The following OLA1 variants were observed in gnomAD, a reference collection of about 807,000 sequenced individuals.
The protein encoded by OLA1 is Obg like ATPase 1.
OLA1 carries 14 observed loss-of-function variants against 48.4 expected under a neutral mutation model. The observed-to-expected ratio is 0.29, with a 90% CI of 0.19 to 0.45. The LOEUF (loss-of-function observed/expected upper bound fraction) is 0.45, where lower values mean the gene tolerates loss of function less well. Ranked by LOEUF, OLA1 falls within the 20% of genes least tolerant of loss-of-function variation. OLA1 has a pLI of 1.00. For missense variants in OLA1, 325 were observed against 467.1 expected, an observed-to-expected ratio of 0.70 and a Z score of 2.80; for synonymous variants, 127 against 150.4, an observed-to-expected ratio of 0.84 and a Z score of 1.14.
rs376640155 is a variant in OLA1, at chr2:174,079,078, C to A, written c.979G>T (p.Ala327Ser). The A allele has an allele frequency of 1.9e-5, 31 of 1,591,204 alleles. No individual in the cohort carries two copies. In the African/African-American group the frequency reaches 3.4e-4, roughly 17 times the overall value. The stretch of plus-strand genomic sequence containing the variant: ...TGAATCTTTCCTGCAGCCTGAGGAG[C>A]CTTAGTCCCTTTCTTTGAAAAGAAA... The part of the protein sequence containing the change: ...RAWTIRKGTK[A>S]PQAAGKIHTD... The change falls in exon 10 of 11, where the codon GCT becomes TCT. Residue 327 changes from alanine (A) to serine (S), a missense_variant. Coordinates refer to ENST00000284719, the MANE Select transcript of OLA1 (RefSeq NM_013341.5).
At chr2:174,164,985 C>T (rs575916709) in intron 4 of OLA1, among the ~76,000 whole-genome samples, 35 of 152,178 alleles carry the variant, frequency 2.3e-4, no homozygotes, top group Admixed American at 3.9e-4. Flanking sequence ...GAGGAATCAG[C>T]CAAAAGATGA....
chr2:174,174,015 T>TAG (rs1687364655), intron 4 of OLA1, among the ~76,000 whole-genome samples: 2 of 97,362 alleles, frequency 2.1e-5, no homozygotes, highest in African/African-American at 8.6e-5. Flanking sequence ...TTCCCATACA[T>TAG]ACACACACAC....
chr2:174,155,291 A>C (rs982732764), intron 4 of OLA1, among the ~76,000 whole-genome samples: 1 of 152,224 alleles, frequency 6.6e-6, no homozygotes, highest in African/African-American at 2.4e-5. Flanking sequence ...CTGAAGAAGG[A>C]ATCAATGAAT....
At chr2:174,246,166 G>A (rs1274227749) in intron 2 of OLA1, among the ~76,000 whole-genome samples, 1 of 151,712 alleles carries the variant, frequency 6.6e-6, no homozygotes, top group Non-Finnish European at 1.5e-5. Context: ...TGGGCGTGGT[G>A]GTGCGCGCCT....
chr2:174,128,662 G>A (rs1218945114), intron 5 of OLA1, among the ~76,000 whole-genome samples: 10 of 151,416 alleles, frequency 6.6e-5, no homozygotes, highest in South Asian at 2.1e-4. Flanking sequence ...ACTTGAACCC[G>A]GGAAGTGGAG....
In OLA1 at chr2:174,141,962, T is replaced by A. The variant is rs374661597; in HGVS notation, c.412A>T (p.Ser138Cys). ...EDDDITHVEG[S>C]VDPIRDIEII... ...TCTATATCTCGAATAGGATCTACAC[T>A]TCCTTCAACGTGCGTGATATCATCA... Residue 138 changes from serine to cysteine, a missense_variant, in exon 5 of 11, where the codon AGT (serine) becomes TGT (cysteine). Transcript: ENST00000284719. 26 of 1,613,168 alleles carry A rather than the reference T, an allele frequency of 1.6e-5. No individual in the cohort carries two copies. The highest frequency in any genetic ancestry group is 2.1e-5 in the Non-Finnish European group (25 of 1,179,762).
intron 7 of OLA1, among the ~76,000 whole-genome samples, chr2:174,088,857 C>T (rs1685040430): frequency 6.7e-6 from 1 of 148,976 alleles, no homozygotes; most frequent in African/African-American, 2.5e-5. Flanking sequence ...GCCTGGATGA[C>T]AGAGTGAAAT....
intron 7 of OLA1, among the ~76,000 whole-genome samples, chr2:174,114,624 C>T (rs1685738907): frequency 6.6e-6 from 1 of 152,096 alleles, no homozygotes; most frequent in Admixed American, 6.5e-5. Context: ...CCCACAGCCC[C>T]ATAATACATT....
At position 174,162,939 on chromosome 2, in the gene OLA1, G is replaced by A. The variant is rs991118687; in HGVS notation, c.374-20939C>T. The stretch of plus-strand genomic sequence containing the variant: ...ACGTGTATGTAGTCCCAGCTACTCA[G>A]GAGGCTGAGGTGGAGAATTGATTGA... On this transcript the variant is annotated intron_variant, in intron 4 of 10. Transcript: ENST00000284719. 3.9e-5 allele frequency among the ~76,000 whole-genome samples: 6 copies of A among 152,156 alleles called. No homozygotes were observed. In the South Asian group the frequency reaches 1.2e-3, roughly 32 times the overall value.
chr2:174,209,296 A>G (rs1335063314), intron 4 of OLA1, among the ~76,000 whole-genome samples: 1 of 152,204 alleles, frequency 6.6e-6, no homozygotes, highest in Non-Finnish European at 1.5e-5. Flanking sequence ...TTTCATCCTG[A>G]TATCTATATA....
chr2:174,167,702 G>A (rs1230158662), intron 4 of OLA1, among the ~76,000 whole-genome samples: 1 of 152,060 alleles, frequency 6.6e-6, no homozygotes, highest in Non-Finnish European at 1.5e-5. Flanking sequence ...ATCAATATAA[G>A]AATATGATTA....
chr2:174,119,193 T>C (rs1451089977), intron 7 of OLA1, among the ~76,000 whole-genome samples: 2 of 152,018 alleles, frequency 1.3e-5, no homozygotes, highest in Admixed American at 6.5e-5. Context: ...TTTTTCTTTA[T>C]CATATTCTTT....
chr2:174,084,372 T>C (rs2105341304), intron 7 of OLA1, among the ~76,000 whole-genome samples: 1 of 152,342 alleles, frequency 6.6e-6, no homozygotes. Flanking sequence ...AGCTTCACTT[T>C]TGTGACTTTC....
At chr2:174,096,392 G>A (rs551982752) in intron 7 of OLA1, among the ~76,000 whole-genome samples, 34 of 152,290 alleles carry the variant, frequency 2.2e-4, no homozygotes, top group African/African-American at 7.9e-4. Context: ...ACTGAATTGT[G>A]TGCTTTAAAA....
chr2:174,161,667 TA>T (rs1307569471), intron 4 of OLA1, among the ~76,000 whole-genome samples: 1,797 of 122,746 alleles, frequency 0.015, 30 homozygotes, highest in African/African-American at 0.043. Context: ...TTTGTCTCTT[TA>T]AAAAAAAAAA....
intron 7 of OLA1, among the ~76,000 whole-genome samples, chr2:174,118,733 T>C (rs1685841494): frequency 6.6e-6 from 1 of 152,276 alleles, no homozygotes; most frequent in Non-Finnish European, 1.5e-5. Flanking sequence ...AGTCAGCAGA[T>C]GGTGCTAATG....
intron 4 of OLA1, among the ~76,000 whole-genome samples, chr2:174,217,381 T>C (rs1055624708): frequency 3.9e-5 from 6 of 152,110 alleles, no homozygotes; most frequent in African/African-American, 1.4e-4. Context: ...CATTTTTAAA[T>C]CAATACAAAT....
chr2:174,114,669 T>C (rs1041840985), intron 7 of OLA1, among the ~76,000 whole-genome samples: 4 of 152,170 alleles, frequency 2.6e-5, no homozygotes, highest in African/African-American at 9.6e-5. Context: ...ATGCTGATTA[T>C]CACCCAGGAA....
rs1684707575 is a variant in OLA1, at chr2:174,075,263, G to GT, written c.*162_*163insA. ...TGAACCTGCATTTCATGGGGGGGGG[G>GT]GGGTACACAGTATTTTAATTTTAAA... is the stretch of plus-strand genomic sequence containing the variant. On this transcript the variant is annotated 3_prime_UTR_variant, in exon 11 of 11. Coordinates refer to ENST00000284719, the MANE Select transcript of OLA1 (RefSeq NM_013341.5). The GT allele has an allele frequency of 9.6e-6, 5 of 522,320 alleles. No individual in the cohort carries two copies. Among genetic ancestry groups the GT allele is most frequent in the East Asian group, 6.5e-5 (2 of 30,786 alleles). 32.4% of individuals were successfully genotyped at this position (522,320 alleles called of 1,614,324 possible).
Sources: allele counts gnomAD v4.1 joint callset (sites outside exome capture counted in the v4.1 genomes callset), GRCh38; gene constraint gnomAD v4.1.1; transcripts MANE v1.5; gene names NCBI Gene and HGNC (gene_info 2026-07-23, HGNC 2026-07-21).